Variants in NRG3 observed in about 807,000 individuals in gnomAD.
NRG3 encodes pro-neuregulin-3, membrane-bound isoform.
NRG3 carries 31 observed loss-of-function variants against 66.9 expected under a neutral mutation model. That is an observed-to-expected ratio of 0.46 (90% confidence interval 0.35 to 0.63). The LOEUF (loss-of-function observed/expected upper bound fraction) is 0.63, where lower values mean the gene tolerates loss of function less well. Among genes scored for constraint, NRG3 ranks in the 20% least tolerant of loss-of-function variants. The pLI, the probability that NRG3 is intolerant of heterozygous loss-of-function variation, is 0.00. For synonymous variants in NRG3, 393 were observed against 359.4 expected, an observed-to-expected ratio of 1.09 and a Z score of -1.06; for missense variants, 910 against 878.9, an observed-to-expected ratio of 1.04 and a Z score of -0.45.
At chr10:82,434,705 C>T (rs1049498207) in intron 2 of NRG3, among the ~76,000 whole-genome samples, 5 of 151,992 alleles carry the variant, frequency 3.3e-5, no homozygotes, top group African/African-American at 1.2e-4. Flanking sequence ...TTGAAATAAT[C>T]ATGGTTTTTG....
At chr10:81,950,733 G>A (rs1412431677) in intron 1 of NRG3, among the ~76,000 whole-genome samples, 2 of 152,114 alleles carry the variant, frequency 1.3e-5, no homozygotes, top group African/African-American at 2.4e-5. Flanking sequence ...TGAATAAAAT[G>A]GCAAAAGTGT....
intron 3 of NRG3, among the ~76,000 whole-genome samples, chr10:82,794,733 G>T (rs1369998395): frequency 6.6e-6 from 1 of 152,022 alleles, no homozygotes; most frequent in South Asian, 2.1e-4. Context: ...CTTGGGCTTA[G>T]AGATGAATTT....
chr10:81,939,566 T>C (rs769522143), intron 1 of NRG3, among the ~76,000 whole-genome samples: 2 of 152,062 alleles, frequency 1.3e-5, no homozygotes, highest in Non-Finnish European at 2.9e-5. Flanking sequence ...TGATTAGTTA[T>C]AGCAATATCT....
intron 1 of NRG3, among the ~76,000 whole-genome samples, chr10:81,908,684 C>A (rs3918483): frequency 0.43 from 64,747 of 151,936 alleles, 16,611 homozygotes; most frequent in East Asian, 0.81. Context: ...ACACCTCAGT[C>A]TCGAAATAGA....
intron 1 of NRG3, among the ~76,000 whole-genome samples, chr10:81,988,746 G>C (rs917050763): frequency 2.6e-5 from 4 of 152,100 alleles, no homozygotes; most frequent in African/African-American, 7.2e-5. Context: ...AGACATAAGT[G>C]CTTGTTTTTA....
chr10:82,660,196 CAAAAAAAAAAAAAAAAAAAAAAAA>C lies in NRG3; in HGVS notation c.954-78365_954-78342del, dbSNP rs58870828. On this transcript the variant is annotated intron_variant, in intron 2 of 8. Transcript: ENST00000372141. ...GGGCGACAAGAGCAAAACTCCCTCT[CAAAAAAAAAAAAAAAAAAAAAAAA>C]AAAAAAAAAAAAAAACTGGAAAGAA... 3.5e-3 allele frequency among the ~76,000 whole-genome samples: 68 copies of C among 19,562 alleles called. 1 individual carries two copies. Among genetic ancestry groups the C allele is most frequent in the African/African-American group, 0.01 (62 of 6,084 alleles). The allele number at this position is 19,562 out of a possible 152,430, so 12.8% of individuals were successfully genotyped here. A position where few individuals can be genotyped will look rare whatever the true frequency, so the allele number is the denominator to read the frequency against.
chr10:82,956,119 C>CA lies in NRG3; in HGVS notation c.1158-2829dup, dbSNP rs368979254. Among the ~76,000 whole-genome samples, 164 of 151,976 alleles carry CA rather than the reference C, an allele frequency of 1.1e-3. 2 individuals carry two copies. The highest frequency in any genetic ancestry group is 3.4e-3 in the African/African-American group (142 of 41,262). ...GTCTTTATCCCAGGGTCTGCCTTCC[C>CA]AGGAGCCCAATCTGCAACAAGACAA... On this transcript the variant is annotated intron_variant, in intron 5 of 8. Transcript: ENST00000372141.
At chr10:82,963,123 G>A (rs11816685) in intron 6 of NRG3, among the ~76,000 whole-genome samples, 13,768 of 152,028 alleles carry the variant, frequency 0.091, 820 homozygotes, top group African/African-American at 0.16. Context: ...AATGGAAAAC[G>A]ACTTCTGAAT....
intron 1 of NRG3, among the ~76,000 whole-genome samples, chr10:82,172,044 G>C (rs1307582003): frequency 6.6e-6 from 1 of 152,044 alleles, no homozygotes; most frequent in African/African-American, 2.4e-5. Context: ...TGTGTTTGGG[G>C]TTGATGAAAA....
chr10:81,978,547 G>A lies in NRG3; in HGVS notation c.823+102384G>A, dbSNP rs115203442. Among the ~76,000 whole-genome samples the A allele has an allele frequency of 5.8e-3, 877 of 152,096 alleles. 6 individuals carry two copies. The highest frequency in any genetic ancestry group is 0.018 in the African/African-American group (730 of 41,470). ...AACCCACACTGTAGCGTTGTTTATA[G>A]CCTCCTCCCAGTTCATCCTTGAATC... On this transcript the variant is annotated intron_variant, in intron 1 of 8. Transcript: ENST00000372141.
chr10:81,954,056 TA>T (rs1849606216), intron 1 of NRG3, among the ~76,000 whole-genome samples: 1 of 152,204 alleles, frequency 6.6e-6, no homozygotes, highest in African/African-American at 2.4e-5. Flanking sequence ...TTTATATCTT[TA>T]AAAATAGTTA....
At chr10:82,545,641 A>G (rs746640416) in intron 2 of NRG3, among the ~76,000 whole-genome samples, 11 of 152,044 alleles carry the variant, frequency 7.2e-5, no homozygotes, top group Middle Eastern at 6.8e-3. Flanking sequence ...TCGGCCTCCC[A>G]AAGTGCTGGG....
intron 1 of NRG3, among the ~76,000 whole-genome samples, chr10:81,948,684 A>G (rs554614981): frequency 1.3e-5 from 2 of 152,196 alleles, no homozygotes; most frequent in Non-Finnish European, 2.9e-5. Flanking sequence ...TTAGGCAAGC[A>G]ATTTCACTTT....
chr10:82,757,540 G>A (rs1467348373), intron 3 of NRG3, among the ~76,000 whole-genome samples: 1 of 152,074 alleles, frequency 6.6e-6, no homozygotes, highest in African/African-American at 2.4e-5. Context: ...CCTTAAGCCT[G>A]GGATAAACCT....
At chr10:82,566,725 T>A (rs964092059) in intron 2 of NRG3, among the ~76,000 whole-genome samples, 2 of 151,968 alleles carry the variant, frequency 1.3e-5, no homozygotes, top group African/African-American at 4.8e-5. Flanking sequence ...GATGTGGTAT[T>A]TTGTTTGGAC....
intron 2 of NRG3, among the ~76,000 whole-genome samples, chr10:82,661,865 A>G (rs1175823520): frequency 2.0e-5 from 3 of 152,224 alleles, no homozygotes; most frequent in Admixed American, 6.5e-5. Flanking sequence ...GAATACATTA[A>G]ACAGAGACCC....
At chr10:81,926,364 A>G (rs2132932748) in intron 1 of NRG3, among the ~76,000 whole-genome samples, 1 of 152,168 alleles carries the variant, frequency 6.6e-6, no homozygotes, top group Admixed American at 6.6e-5. Flanking sequence ...CAAGTAATAC[A>G]TCCGCCTTGG....
chr10:82,779,283 TC>T (rs1471347662), intron 3 of NRG3, among the ~76,000 whole-genome samples: 1 of 152,080 alleles, frequency 6.6e-6, no homozygotes, highest in African/African-American at 2.4e-5. Flanking sequence ...GCCTCCTCCT[TC>T]CTGTTTCCAT....
chr10:82,140,066 C>CA (rs964299105), intron 1 of NRG3, among the ~76,000 whole-genome samples: 4 of 151,486 alleles, frequency 2.6e-5, no homozygotes, highest in African/African-American at 7.3e-5. Flanking sequence ...GATAAACTAA[C>CA]AAAAAAAATG....
Sources: allele counts gnomAD v4.1 joint callset (sites outside exome capture counted in the v4.1 genomes callset), GRCh38; gene constraint gnomAD v4.1.1; transcripts MANE v1.5; gene names NCBI Gene and HGNC (gene_info 2026-07-23, HGNC 2026-07-21).